Variants in BMX observed in about 807,000 individuals in gnomAD.
BMX encodes cytoplasmic tyrosine-protein kinase BMX.
BMX carries 31 observed loss-of-function variants against 59.2 expected under a neutral mutation model. That is an observed-to-expected ratio of 0.52 (90% CI 0.39 to 0.71). BMX has a LOEUF of 0.71. BMX is among the 30% of genes least tolerant of loss of function. The pLI is 0.00. For synonymous variants in BMX, 185 were observed against 181.0 expected, an observed-to-expected ratio of 1.02 and a Z score of -0.18; for missense variants, 474 against 491.7, an observed-to-expected ratio of 0.96 and a Z score of 0.34.
At chrX:15,553,273 G>GT (rs1332168467) in intron 18 of BMX, among the ~76,000 whole-genome samples, 2 of 112,037 alleles carry the variant, frequency 1.8e-5, no homozygotes, top group Non-Finnish European at 1.9e-5. Context: ...CAAAACTGGT[G>GT]TAAGTTTCTT....
chrX:15,505,247 C>T (rs575531026), intron 1 of BMX, among the ~76,000 whole-genome samples: 2 of 111,762 alleles, frequency 1.8e-5, no homozygotes, highest in South Asian at 7.4e-4. Context: ...AAAGGCAAGC[C>T]CAAGCCTGAG....
At chrX:15,524,876 TA>T (rs1924635471) in intron 7 of BMX, among the ~76,000 whole-genome samples, 1 of 111,646 alleles carries the variant, frequency 9.0e-6, no homozygotes, top group Non-Finnish European at 1.9e-5. Context: ...CCAGAAGGAG[TA>T]AAAAGATCAG....
intron 4 of BMX, among the ~76,000 whole-genome samples, chrX:15,511,719 C>T (rs752105094): frequency 9.0e-6 from 1 of 111,060 alleles, no homozygotes; most frequent in Admixed American, 9.6e-5. Flanking sequence ...ATACAGGAAG[C>T]CTGTGGATTG....
chrX:15,524,566 A>G (rs960097698), intron 7 of BMX, among the ~76,000 whole-genome samples: 3 of 112,308 alleles, frequency 2.7e-5, no homozygotes, highest in Admixed American at 9.5e-5. Flanking sequence ...TCTAGTGGGC[A>G]AGGCTCTTTG....
intron 11 of BMX, among the ~76,000 whole-genome samples, chrX:15,532,319 C>CT (rs1263903195): frequency 1.8e-4 from 19 of 108,118 alleles, no homozygotes; most frequent in African/African-American, 4.9e-4. Flanking sequence ...GTAGTTAGCT[C>CT]TTTTTTTTTC....
chrX:15,508,430 A>G lies in BMX; in HGVS notation c.77A>G (p.Tyr26Cys), dbSNP rs374784538. The change falls in exon 2 of 19, where the codon TAC (tyrosine) becomes TGC (cysteine). Residue 26 changes from tyrosine (Y) to cysteine (C), a missense_variant. Tyr to Cys is a radical substitution (Grantham distance 194). Coordinates refer to ENST00000348343, the MANE Select transcript of BMX (RefSeq NM_203281.3). ...AAGAAGAAAATGTCACCAAATAATTACAAAGAACGGCTTTTTGTTTTGACC... is the reference window on the plus strand; with the variant it reads ...AAGAAGAAAATGTCACCAAATAATTGCAAAGAACGGCTTTTTGTTTTGACC... Reference protein sequence around the residue: ...QQKKKMSPNNYKERLFVLTKT... With the variant: ...QQKKKMSPNNCKERLFVLTKT... The G allele has an allele frequency of 1.7e-6, 2 of 1,193,072 alleles. No individual in the cohort carries two copies. Among genetic ancestry groups the G allele is most frequent in the Non-Finnish European group, 1.1e-6 (1 of 884,466 alleles).
Position 15,505,100 on chromosome X carries a change from T to G in BMX, c.-9-3245T>G, listed in dbSNP as rs764152258. Among the ~76,000 whole-genome samples, 7 of 112,434 alleles carry G rather than the reference T, an allele frequency of 6.2e-5. No individual in the cohort carries two copies. The South Asian group carries it at 1.8e-3, about 30-fold the overall frequency. On this transcript the variant is annotated intron_variant, in intron 1 of 18. Transcript: ENST00000348343. ...GTCACAATACGAGGGGGGAAGATAT[T>G]GCATTTCTAAAAATTAATCATCAGC...
At chrX:15,530,118 C>T (rs923426883) in intron 10 of BMX, 91 bp downstream of exon 10, 3 of 880,536 alleles carry the variant, frequency 3.4e-6, no homozygotes, top group South Asian at 2.3e-5. Context: ...AACCTTCCTG[C>T]TAATTATATA....
chrX:15,553,908 A>G (rs1395026131), intron 18 of BMX, among the ~76,000 whole-genome samples: 1 of 112,327 alleles, frequency 8.9e-6, no homozygotes, highest in African/African-American at 3.2e-5. Flanking sequence ...TCATAAAAGC[A>G]TGTGAATTGT....
intron 9 of BMX, among the ~76,000 whole-genome samples, chrX:15,529,085 C>A (rs866265628): frequency 8.9e-6 from 1 of 111,733 alleles, no homozygotes; most frequent in South Asian, 3.8e-4. Flanking sequence ...AGTCCAAGGT[C>A]AAACAAGGCC....
rs1223083379 is a variant in BMX, at chrX:15,545,709, A to T, written c.1677-1094A>T. Among the ~76,000 whole-genome samples, 3 of 111,206 alleles carry T rather than the reference A, an allele frequency of 2.7e-5. No individual in the cohort carries two copies. In the East Asian group the frequency reaches 8.4e-4, roughly 31 times the overall value. On this transcript the variant is annotated intron_variant, in intron 16 of 18. Coordinates refer to ENST00000348343, the MANE Select transcript of BMX (RefSeq NM_203281.3). ...CTGCCGTTCCCTGGCACCAGCTGCG[A>T]CCAATTATTATTTTAGAGAGACGGT...
At chrX:15,534,838 T>C (rs1022821503) in intron 12 of BMX, among the ~76,000 whole-genome samples, 3 of 111,513 alleles carry the variant, frequency 2.7e-5, no homozygotes, top group African/African-American at 9.8e-5. Context: ...TTACTCAACA[T>C]GTCTTAGAAG....
intron 16 of BMX, among the ~76,000 whole-genome samples, chrX:15,544,210 T>A (rs1375033826): frequency 9.0e-6 from 1 of 111,493 alleles, no homozygotes; most frequent in Non-Finnish European, 1.9e-5. Context: ...TCTGTTTTTT[T>A]AATGTCTTCT....
chrX:15,527,275 TATATATATACACAC>T (rs1924822359), intron 9 of BMX, among the ~76,000 whole-genome samples: 1 of 44,927 alleles, frequency 2.2e-5, no homozygotes, highest in African/African-American at 9.1e-5. Flanking sequence ...TATATATATA[TATATATATACACAC>T]ACACACACAC....
At chrX:15,530,784 A>C (rs1925032049) in intron 10 of BMX, among the ~76,000 whole-genome samples, 1 of 112,446 alleles carries the variant, frequency 8.9e-6, no homozygotes. Context: ...ATTTCTAAAA[A>C]TGACACTTTG....
intron 5 of BMX, among the ~76,000 whole-genome samples, chrX:15,516,970 C>A (rs1360303550): frequency 9.0e-6 from 1 of 111,182 alleles, no homozygotes; most frequent in Non-Finnish European, 1.9e-5. Context: ...CCAGCCTGGA[C>A]AAAATATGCC....
intron 17 of BMX, among the ~76,000 whole-genome samples, chrX:15,549,234 T>C (rs1926082840): frequency 9.0e-6 from 1 of 111,666 alleles, no homozygotes; most frequent in African/African-American, 3.3e-5. Flanking sequence ...ACAAAAATGC[T>C]GTGTATTCAC....
In BMX at chrX:15,525,380, G is replaced by T. The variant is rs1924664787; in HGVS notation, c.830+15G>T. 1 of 1,180,761 alleles carries T rather than the reference G, an allele frequency of 8.5e-7. No homozygotes were observed. The highest frequency in any genetic ancestry group is 1.1e-6 in the Non-Finnish European group (1 of 870,371). ...AAGATTTCATGGTAAATCAAATTCA[G>T]ATATCTCCTACATCCAGAATATGCT... On this transcript the variant is annotated intron_variant, in intron 8 of 18. Transcript: ENST00000348343.
intron 1 of BMX, among the ~76,000 whole-genome samples, chrX:15,501,690 G>A (rs1449336980): frequency 8.9e-6 from 1 of 111,880 alleles, no homozygotes; most frequent in Non-Finnish European, 1.9e-5. Context: ...TCTAATGATC[G>A]CCCGGATGAT....
Sources: allele counts gnomAD v4.1 joint callset (sites outside exome capture counted in the v4.1 genomes callset), GRCh38; gene constraint gnomAD v4.1.1; transcripts MANE v1.5; gene names NCBI Gene and HGNC (gene_info 2026-07-23, HGNC 2026-07-21).